Variants in NEK7 observed in about 807,000 individuals in gnomAD.
NEK7 encodes the protein serine/threonine-protein kinase Nek7.
A neutral mutation model predicts 44.6 loss-of-function variants in NEK7; 18 were observed. The ratio of observed to expected loss-of-function variants is 0.40; its 90% CI spans 0.28 to 0.60. The LOEUF (loss-of-function observed/expected upper bound fraction) is 0.60. NEK7 is among the 20% of genes least tolerant of loss of function. The pLI, the probability that NEK7 is intolerant of heterozygous loss-of-function variation, is 0.38. For synonymous variants in NEK7, 130 were observed against 121.1 expected (o/e 1.07, Z -0.48); for missense variants, 256 against 366.5 (o/e 0.70, Z 2.46).
At chr1:198,201,574 A>G (rs1006540084) in intron 1 of NEK7, among the ~76,000 whole-genome samples, 2 of 152,240 alleles carry the variant, frequency 1.3e-5, no homozygotes, top group Admixed American at 6.5e-5. Flanking sequence ...TGCTTTAGTT[A>G]GCAAACTAAA....
intron 1 of NEK7, among the ~76,000 whole-genome samples, chr1:198,162,607 G>A (rs1571492003): frequency 6.6e-6 from 1 of 152,064 alleles, no homozygotes; most frequent in East Asian, 1.9e-4. Flanking sequence ...TCAGGGGTGG[G>A]AAACACATCT....
At chr1:198,287,842 G>A (rs767117685) in intron 7 of NEK7, among the ~76,000 whole-genome samples, 5 of 152,066 alleles carry the variant, frequency 3.3e-5, no homozygotes, top group Non-Finnish European at 5.9e-5. Context: ...AGGATTGCTT[G>A]AACTGCTGTT....
chr1:198,255,488 A>G (rs1309827019), intron 3 of NEK7, among the ~76,000 whole-genome samples: 2 of 152,150 alleles, frequency 1.3e-5, no homozygotes, highest in Non-Finnish European at 2.9e-5. Flanking sequence ...AGAAACAGAA[A>G]GAAAGAAGGG....
intron 9 of NEK7, among the ~76,000 whole-genome samples, chr1:198,308,563 G>A (rs1034349610): frequency 6.6e-6 from 1 of 152,196 alleles, no homozygotes; most frequent in African/African-American, 2.4e-5. Flanking sequence ...ACTTAATTGA[G>A]CATTCTGCTG....
chr1:198,279,104 T>A, intron 7 of NEK7, 43 bp downstream of exon 7: 1 of 1,198,388 alleles, frequency 8.3e-7, no homozygotes, highest in Non-Finnish European at 1.2e-6. Context: ...TTTGTGTATG[T>A]GTGATTAAAA....
intron 2 of NEK7, among the ~76,000 whole-genome samples, chr1:198,240,499 C>CAA (rs11415702): frequency 0.011 from 1,384 of 123,322 alleles, 9 homozygotes; most frequent in Non-Finnish European, 0.014. Flanking sequence ...GACTCCGTCT[C>CAA]AAAAAAAAAA....
At chr1:198,293,129 A>G in intron 8 of NEK7, 90 bp downstream of exon 8, 1 of 656,224 alleles carries the variant, frequency 1.5e-6, no homozygotes, top group Non-Finnish European at 2.6e-6. Context: ...TTTTTTCTGG[A>G]TGTTTAAGAA....
At chr1:198,271,701 G>A (rs538201233) in intron 5 of NEK7, among the ~76,000 whole-genome samples, 3 of 151,734 alleles carry the variant, frequency 2.0e-5, no homozygotes, top group East Asian at 1.9e-4. Flanking sequence ...TGGACAAAGT[G>A]TATAGCCCAT....
In NEK7 at chr1:198,309,741, A is replaced by T. The variant is rs978357763; in HGVS notation, c.799-9671A>T. Among the ~76,000 whole-genome samples the T allele has an allele frequency of 2.0e-5, 3 of 152,030 alleles. No homozygotes were observed. The East Asian group carries it at 5.8e-4, about 29-fold the overall frequency. Reference sequence around the variant, plus strand: ...AGTTTACTGAGAATGATGATTTCCAATTTCATCCATATCCCTACAAAGGAC... The same window carrying T: ...AGTTTACTGAGAATGATGATTTCCATTTTCATCCATATCCCTACAAAGGAC... On this transcript the variant is annotated intron_variant, in intron 9 of 9. Transcript: ENST00000367385.
At chr1:198,195,483 A>G (rs1312966558) in intron 1 of NEK7, among the ~76,000 whole-genome samples, 2 of 152,204 alleles carry the variant, frequency 1.3e-5, no homozygotes, top group East Asian at 3.8e-4. Flanking sequence ...ATAGAGAGCA[A>G]ATATTGACTT....
chr1:198,283,053 G>A (rs1654258290), intron 7 of NEK7, among the ~76,000 whole-genome samples: 1 of 152,130 alleles, frequency 6.6e-6, no homozygotes, highest in South Asian at 2.1e-4. Flanking sequence ...AAAAGAGGCA[G>A]CTATGAAATA....
intron 9 of NEK7, among the ~76,000 whole-genome samples, chr1:198,304,476 T>C (rs371155544): frequency 6.6e-6 from 1 of 152,138 alleles, no homozygotes; most frequent in Non-Finnish European, 1.5e-5. Context: ...AAATTGGGTA[T>C]ATCCTGGAGG....
intron 9 of NEK7, among the ~76,000 whole-genome samples, chr1:198,312,744 C>T (rs1014977086): frequency 1.3e-5 from 2 of 150,618 alleles, no homozygotes; most frequent in South Asian, 2.2e-4. Flanking sequence ...TGTAGTTGAG[C>T]GATTTTGAGT....
At chr1:198,255,967 T>C (rs572069433) in intron 3 of NEK7, among the ~76,000 whole-genome samples, 5 of 152,140 alleles carry the variant, frequency 3.3e-5, no homozygotes, top group Non-Finnish European at 4.4e-5. Context: ...AATACAAAAT[T>C]TTATAATATT....
chr1:198,252,649 TATATGTATGTTTATATATTAAAAC>T (rs1469469595), intron 2 of NEK7, among the ~76,000 whole-genome samples: 9 of 143,042 alleles, frequency 6.3e-5, no homozygotes, highest in Admixed American at 3.5e-4. Context: ...TATTAAAACA[TATATGTATGTTTATATATTAAAAC>T]ATATGTATGT....
intron 1 of NEK7, among the ~76,000 whole-genome samples, chr1:198,190,626 T>G (rs1324397650): frequency 6.6e-6 from 1 of 152,066 alleles, no homozygotes; most frequent in Non-Finnish European, 1.5e-5. Flanking sequence ...CTCATTCTGG[T>G]CCTAGATCAT....
chr1:198,266,037 C>A (rs1308115140), intron 5 of NEK7, among the ~76,000 whole-genome samples: 1 of 151,998 alleles, frequency 6.6e-6, no homozygotes, highest in Non-Finnish European at 1.5e-5. Flanking sequence ...TTTACGTGCA[C>A]AAAACCTTCC....
intron 2 of NEK7, among the ~76,000 whole-genome samples, chr1:198,236,104 T>C (rs554347428): frequency 1.3e-5 from 2 of 152,292 alleles, no homozygotes; most frequent in African/African-American, 4.8e-5. Flanking sequence ...CAGGGTTCAT[T>C]GTAGGCCAGC....
At chr1:198,248,481 G>A (rs1666896562) in intron 2 of NEK7, among the ~76,000 whole-genome samples, 1 of 152,184 alleles carries the variant, frequency 6.6e-6, no homozygotes, top group Non-Finnish European at 1.5e-5. Context: ...GCACAGTGAA[G>A]AGCCTCTTCT....
Sources: allele counts gnomAD v4.1 joint callset (sites outside exome capture counted in the v4.1 genomes callset), GRCh38; gene constraint gnomAD v4.1.1; transcripts MANE v1.5; gene names NCBI Gene and HGNC (gene_info 2026-07-23, HGNC 2026-07-21).